Variants in OBSL1 observed in about 807,000 individuals in gnomAD.
OBSL1 encodes the protein obscurin-like protein 1.
In OBSL1, 160 loss-of-function variants were observed where a neutral mutation model predicts 172.0. That is an observed-to-expected ratio of 0.93 (90% CI 0.82 to 1.06). The LOEUF is 1.06. Among genes scored for constraint, OBSL1 ranks in the 50% least tolerant of loss-of-function variants. OBSL1 has a pLI of 0.00. For missense variants in OBSL1, 2,681 were observed against 2,715.4 expected (o/e 0.99, Z 0.28); for synonymous variants, 1,200 against 1,196.3 (o/e 1.00, Z -0.06).
Position 219,571,329 on chromosome 2 carries a change from T to G in OBSL1, c.-97A>C, listed in dbSNP as rs886055671. On this transcript the variant is annotated 5_prime_UTR_variant, in exon 1 of 21. Coordinates refer to ENST00000404537, the MANE Select transcript of OBSL1 (RefSeq NM_015311.3). Reference sequence around the variant, plus strand: ...CGGGGCGGCGGGGTCGGGGCGCGGCTGGGGACTGGGCGCGGGGACCCGCGG... The same window carrying G: ...CGGGGCGGCGGGGTCGGGGCGCGGCGGGGGACTGGGCGCGGGGACCCGCGG... The G allele has an allele frequency of 1.6e-5, 12 of 736,068 alleles. No homozygotes were observed. The highest frequency in any genetic ancestry group is 2.2e-5 in the Non-Finnish European group (12 of 541,830). 45.6% of individuals were successfully genotyped at this position (736,068 alleles called of 1,614,324 possible). A position where few individuals can be genotyped will look rare whatever the true frequency, so the allele number is the denominator to read the frequency against.
chr2:219,551,151 C>T, intron 20 of OBSL1: 4 of 1,396,254 alleles, frequency 2.9e-6, no homozygotes, highest in Non-Finnish European at 3.7e-6. Context: ...CAGAGGCAAG[C>T]TGGGCAGAGG....
intron 1 of OBSL1, chr2:219,569,335 A>C (rs1248120871): frequency 1.3e-5 from 2 of 152,214 alleles, no homozygotes; most frequent in Admixed American, 1.3e-4. Flanking sequence ...GGAAGGACTC[A>C]GGAGAATTTA....
intron 19 of OBSL1, 60 bp from the exon 20 acceptor site, chr2:219,551,858 G>T: frequency 1.8e-6 from 2 of 1,088,718 alleles, no homozygotes; most frequent in Non-Finnish European, 2.7e-6. Flanking sequence ...CAGGAGGAGA[G>T]ATGCATCTTC....
Position 219,554,746 on chromosome 2 carries a change from C to G in OBSL1, c.4610-6G>C, listed in dbSNP as rs373972208. 2.6e-6 allele frequency: 4 copies of G among 1,537,972 alleles called. No homozygotes were observed. In the South Asian group the frequency reaches 4.8e-5, roughly 19 times the overall value. ...CAGCACCCTCAGCTGCCTCGCTGGC[C>G]GGGGGAGATGGAGAGAGGGAGGATG... On this transcript the variant is annotated splice_polypyrimidine_tract_variant and splice_region_variant and intron_variant, in intron 14 of 20. Coordinates refer to ENST00000404537, the MANE Select transcript of OBSL1 (RefSeq NM_015311.3).
At position 219,565,423 on chromosome 2, in the gene OBSL1, C is replaced by T. The variant is rs1696810948; in HGVS notation, c.2226G>A (p.Arg742=). ...TGTACCAGGTTGCCGGGAAGTCCAC[C>T]CTTGAGAGCTCACAAGTCAGCACCA... ...ERVVLTCELS[R]VDFPATWYKD... is the part of the protein sequence containing the mutation. The change falls in exon 6 of 21, where the codon AGG becomes AGA. Residue 742 remains arginine (R), a synonymous_variant. Transcript: ENST00000404537. 1.2e-6 allele frequency: 2 copies of T among 1,613,806 alleles called. No individual in the cohort carries two copies. Among genetic ancestry groups the T allele is most frequent in the Non-Finnish European group, 1.7e-6 (2 of 1,179,904 alleles).
At chr2:219,549,414 C>G (rs915178038), downstream of OBSL1, 1 of 1,551,480 alleles carries the variant, frequency 6.4e-7, no homozygotes, top group African/African-American at 1.4e-5. Context: ...TCTTTCCAAA[C>G]AGGACTGGGC....
intron 9 of OBSL1, chr2:219,558,945 G>T: frequency 2.1e-6 from 1 of 473,796 alleles, no homozygotes; most frequent in South Asian, 4.5e-5. Flanking sequence ...TTGGTTCACT[G>T]CTGTATCCCC....
Position 219,557,944 on chromosome 2 carries a change from G to A in OBSL1, c.3669C>T (p.Ala1223=), listed in dbSNP as rs758235292. 9 of 1,605,064 alleles carry A rather than the reference G, an allele frequency of 5.6e-6. No homozygotes were observed. Among genetic ancestry groups the A allele is most frequent in the South Asian group, 1.1e-5 (1 of 90,878 alleles). The change falls in exon 11 of 21, where the codon GCC becomes GCT. Residue 1223 remains alanine (A), a synonymous_variant. Transcript: ENST00000404537. The part of the protein sequence containing the change: ...VQEGEGLELH[A]EGPRRVLCIQ... The stretch of plus-strand genomic sequence containing the variant: ...TGCAGAGGACTCGGCGGGGGCCCTC[G>A]GCATGGAGCTCTAGGCCCTCGCCCT...
At chr2:219,561,401 C>T (rs923860295) in intron 8 of OBSL1, among the ~76,000 whole-genome samples, 3 of 152,138 alleles carry the variant, frequency 2.0e-5, no homozygotes, top group African/African-American at 7.2e-5. Flanking sequence ...GTGCTTCTCC[C>T]GCTTTGAATA....
chr2:219,565,521 G>C lies in OBSL1; in HGVS notation c.2135-7C>G, dbSNP rs1696819668. The C allele has an allele frequency of 6.2e-7, 1 of 1,603,880 alleles. No homozygotes were observed. The highest frequency in any genetic ancestry group is 1.7e-5 in the Admixed American group (1 of 59,998). On this transcript the variant is annotated splice_polypyrimidine_tract_variant and splice_region_variant and intron_variant, in intron 5 of 20. Transcript: ENST00000404537. ...AGGATGTGCACCGGGCTCTCTGTGT[G>C]GGGAGAAGTACAGATAAGCACCCCT...
chr2:219,558,475 GGA>G lies in OBSL1; in HGVS notation c.3227-18_3227-17del, dbSNP rs1696207631. 6.4e-7 allele frequency: 1 copy of G among 1,554,204 alleles called. No homozygotes were observed. Among genetic ancestry groups the G allele is most frequent in the Non-Finnish European group, 8.7e-7 (1 of 1,151,746 alleles). On this transcript the variant is annotated splice_polypyrimidine_tract_variant and intron_variant, in intron 9 of 20. Transcript: ENST00000404537. Reference sequence around the variant, plus strand: ...TCTGGTGGGGCTGGTGGGTGGGCATGGAGAGGGGCACATAGGCTTGGCCAGCA... The same window carrying G: ...TCTGGTGGGGCTGGTGGGTGGGCATGGAGGGGCACATAGGCTTGGCCAGCA...
rs745766031 is a variant in OBSL1 at position 219,570,838 on chromosome 2, G to T, written c.395C>A (p.Thr132Lys). ...GSGEGAPVFL[T>K]GPRSQWVLRG... ...CAGCACCCACTGGGATCGAGGCCCC[G>T]TGAGGAAGACCGGGGCGCCCTCCCC... The change falls in exon 1 of 21, where the codon ACG becomes AAG. Residue 132 changes from threonine (T) to lysine (K), a missense_variant. Transcript: ENST00000404537. 4 of 1,454,686 alleles carry T rather than the reference G, an allele frequency of 2.7e-6. No homozygotes were observed. The highest frequency in any genetic ancestry group is 3.6e-6 in the Non-Finnish European group (4 of 1,106,940). 90.1% of individuals were successfully genotyped at this position (1,454,686 alleles called of 1,614,324 possible).
Position 219,570,365 on chromosome 2 carries a change from G to A in OBSL1, c.868C>T (p.Arg290Cys), listed in dbSNP as rs1370631114. Reference protein sequence around the residue: ...HWEGRPLLPDRRRLMYRDRDG... With the variant: ...HWEGRPLLPDCRRLMYRDRDG... ...CGGTCGCGGTACATGAGGCGGCGGC[G>A]GTCCGGGAGCAGCGGGCGGCCCTCC... is the stretch of plus-strand genomic sequence containing the variant. Residue 290 changes from arginine (R) to cysteine (C), a missense_variant, in exon 1 of 21, where the codon CGC becomes TGC. Around this residue, in one of 5 missense-constraint regions of OBSL1, gnomAD observed 706 missense variants for 695.8 expected, o/e 1.01. Coordinates refer to ENST00000404537, the MANE Select transcript of OBSL1 (RefSeq NM_015311.3). The A allele has an allele frequency of 2.5e-6, 4 of 1,612,926 alleles. No homozygotes were observed. Among genetic ancestry groups the A allele is most frequent in the Non-Finnish European group, 3.4e-6 (4 of 1,179,576 alleles).
chr2:219,551,851 G>C, intron 19 of OBSL1, 53 bp from the exon 20 acceptor site: 1 of 1,107,074 alleles, frequency 9.0e-7, no homozygotes, highest in Non-Finnish European at 1.3e-6. Flanking sequence ...TGGCCCCCAG[G>C]AGGAGAGATG....
In OBSL1 at chr2:219,559,281, C is replaced by G. The variant is rs776017781; in HGVS notation, c.3170G>C (p.Gly1057Ala). 1.9e-6 allele frequency: 3 copies of G among 1,613,658 alleles called. No individual in the cohort carries two copies. The South Asian group carries it at 3.3e-5, about 18-fold the overall frequency. Residue 1057 changes from glycine (G) to alanine (A), a missense_variant, in exon 9 of 21, where the codon GGC (glycine) becomes GCC (alanine). Transcript: ENST00000404537. ...VLPAAQPEDG[G>A]EFVCDAGDDS... ...ATCTCCAGCATCACATACAAACTCG[C>G]CCCCGTCCTCGGGCTGAGCAGCAGG...
rs754529663 is a variant in OBSL1 at position 219,553,655 on chromosome 2, G to T, written c.4908C>A (p.His1636Gln). 1.4e-5 allele frequency: 23 copies of T among 1,613,646 alleles called. No homozygotes were observed. Among genetic ancestry groups the T allele is most frequent in the Non-Finnish European group, 1.9e-5 (22 of 1,179,832 alleles). Residue 1636 changes from histidine to glutamine, a missense_variant, in exon 16 of 21, where the codon CAC (histidine) becomes CAA (glutamine). His to Gln is a conservative substitution (Grantham distance 24). Around this residue, in one of 5 missense-constraint regions of OBSL1, gnomAD observed 1,765 missense variants for 1,748.3 expected, o/e 1.01. Coordinates refer to ENST00000404537, the MANE Select transcript of OBSL1 (RefSeq NM_015311.3). ...TGTCGCCCTCGGTCACCTCTAGGTC[G>T]TGTGGCCCCCGCACGATGGTCACTG... ...EVPVTIVRGP[H>Q]DLEVTEGDTA...
chr2:219,549,175 C>T (rs1349360573), downstream of OBSL1: 40 of 1,613,824 alleles, frequency 2.5e-5, no homozygotes, highest in Non-Finnish European at 2.6e-5. Flanking sequence ...GCAGCGCCGA[C>T]GCGTGCAACT....
downstream of OBSL1, chr2:219,549,216 G>A (rs780789663): frequency 1.2e-6 from 2 of 1,613,914 alleles, no homozygotes; most frequent in African/African-American, 1.3e-5. Flanking sequence ...AAGATCGCAA[G>A]GAGAAAAGGC....
chr2:219,556,833 G>C (rs958098419), intron 12 of OBSL1, 110 bp from the exon 13 acceptor site: 3 of 1,203,136 alleles, frequency 2.5e-6, no homozygotes, highest in Non-Finnish European at 1.2e-6. Context: ...CAGACCTTCT[G>C]TGAGGACCTA....
Sources: gnomAD v4.1 joint callset for allele counts (sites outside exome capture counted in the v4.1 genomes callset) on GRCh38, gnomAD v4.1.1 for gene constraint, gnomAD v4.1.1 regional missense constraint, MANE v1.5 for transcripts, NCBI Gene and HGNC (gene_info 2026-07-23, HGNC 2026-07-21) for gene names.